Variants in GRAMD1C observed in about 807,000 individuals in gnomAD.
The protein encoded by GRAMD1C is protein Aster-C.
GRAMD1C carries 89 observed loss-of-function variants against 97.8 expected under a neutral mutation model. The ratio of observed to expected loss-of-function variants is 0.91; its 90% CI spans 0.77 to 1.09. GRAMD1C has a LOEUF of 1.09. GRAMD1C is among the 50% of genes least tolerant of loss of function. GRAMD1C has a pLI of 0.00. For missense variants in GRAMD1C, 740 were observed against 766.4 expected (o/e 0.97, Z 0.41); for synonymous variants, 256 against 267.0 (o/e 0.96, Z 0.40).
At chr3:113,836,024 G>A (rs1447854417), upstream of GRAMD1C, among the ~76,000 whole-genome samples, 1 of 152,202 alleles carries the variant, frequency 6.6e-6, no homozygotes, top group Non-Finnish European at 1.5e-5. Flanking sequence ...AGCACTTTGG[G>A]AGGTTGTGGC....
intron 1 of GRAMD1C, among the ~76,000 whole-genome samples, chr3:113,839,980 A>G (rs1709739839): frequency 6.6e-6 from 1 of 152,074 alleles, no homozygotes; most frequent in Non-Finnish European, 1.5e-5. Flanking sequence ...AGGTTGGAGT[A>G]GAAACTGATG....
rs1457639761 is a variant in GRAMD1C, at chr3:113,936,413, T to G, written c.1604T>G (p.Val535Gly). ...KLSSQHSSGDVGLGAKGDITG... is the reference protein window; with the variant it reads ...KLSSQHSSGDGGLGAKGDITG... ...TCCTCTCAGCATTCCTCTGGAGATG[T>G]GGGCTTAGGTGCCAAAGGGGATATT... Residue 535 changes from valine (V) to glycine (G), a missense_variant, in exon 14 of 18, where the codon GTG (valine) becomes GGG (glycine). By Grantham distance (109) the Val-to-Gly change is moderately radical. Transcript: ENST00000358160. 6.2e-7 allele frequency: 1 copy of G among 1,611,116 alleles called. No homozygotes were observed. Among genetic ancestry groups the G allele is most frequent in the Non-Finnish European group, 8.5e-7 (1 of 1,178,680 alleles).
At chr3:113,871,553 G>A (rs1934811414) in intron 3 of GRAMD1C, among the ~76,000 whole-genome samples, 1 of 151,890 alleles carries the variant, frequency 6.6e-6, no homozygotes, top group African/African-American at 2.4e-5. Context: ...AGGAGATCCT[G>A]GTTAACAGGG....
Position 113,904,525 on chromosome 3 carries a change from A to G in GRAMD1C, c.789+253A>G, listed in dbSNP as rs1387316303. ...GGCATCAGTCTGTAGGGGGATAAAT[A>G]TCATTAAAAGAATAATAAGATGGAG... On this transcript the variant is annotated intron_variant, in intron 8 of 17. Transcript: ENST00000358160. Among the ~76,000 whole-genome samples the G allele has an allele frequency of 3.9e-5, 6 of 152,198 alleles. No homozygotes were observed. The East Asian group carries it at 1.2e-3, about 29-fold the overall frequency.
At chr3:113,829,548 C>T (rs1709531776) in intron 1 of GRAMD1C, among the ~76,000 whole-genome samples, 1 of 152,118 alleles carries the variant, frequency 6.6e-6, no homozygotes, top group Non-Finnish European at 1.5e-5. Context: ...GGTGGTTTCA[C>T]TTTATTTATT....
intron 3 of GRAMD1C, among the ~76,000 whole-genome samples, chr3:113,874,527 T>A (rs1934953372): frequency 6.6e-6 from 1 of 152,160 alleles, no homozygotes; most frequent in African/African-American, 2.4e-5. Flanking sequence ...GTATTTTTAG[T>A]AGAAACAGGG....
chr3:113,881,368 G>A (rs1935255657), intron 5 of GRAMD1C, among the ~76,000 whole-genome samples: 1 of 152,168 alleles, frequency 6.6e-6, no homozygotes, highest in South Asian at 2.1e-4. Flanking sequence ...ATGTTGGCCA[G>A]GCTGGCCTTG....
chr3:113,916,308 A>G (rs1437463792), intron 10 of GRAMD1C, among the ~76,000 whole-genome samples: 4 of 152,218 alleles, frequency 2.6e-5, no homozygotes, highest in African/African-American at 9.7e-5. Flanking sequence ...TACAGTGTTC[A>G]TAGCAACATT....
chr3:113,883,383 G>A (rs1559793381), intron 6 of GRAMD1C, among the ~76,000 whole-genome samples: 1 of 152,014 alleles, frequency 6.6e-6, no homozygotes, highest in Non-Finnish European at 1.5e-5. Flanking sequence ...AAATTAGCTG[G>A]GTGTGGTGAC....
chr3:113,848,462 A>T (rs1401493453), intron 2 of GRAMD1C, among the ~76,000 whole-genome samples: 1 of 151,734 alleles, frequency 6.6e-6, no homozygotes, highest in Non-Finnish European at 1.5e-5. Flanking sequence ...TTTCAATTCT[A>T]TAGTTTAAAG....
chr3:113,884,649 G>C (rs945079692), intron 6 of GRAMD1C, among the ~76,000 whole-genome samples: 10 of 151,826 alleles, frequency 6.6e-5, no homozygotes, highest in African/African-American at 2.4e-4. Context: ...TGGCTAACAT[G>C]TGTTATGGTG....
chr3:113,851,260 C>CATA (rs1933891548), intron 2 of GRAMD1C, among the ~76,000 whole-genome samples: 1 of 151,908 alleles, frequency 6.6e-6, no homozygotes, highest in Non-Finnish European at 1.5e-5. Context: ...GAAAACTATG[C>CATA]ATAAAGAAGA....
At chr3:113,851,117 G>A (rs1933885317) in intron 2 of GRAMD1C, among the ~76,000 whole-genome samples, 1 of 152,114 alleles carries the variant, frequency 6.6e-6, no homozygotes, top group Non-Finnish European at 1.5e-5. Context: ...TTCTTTAATA[G>A]CAGATTTAGC....
At chr3:113,897,503 C>T (rs1164832271) in intron 6 of GRAMD1C, 1 of 983,234 alleles carries the variant, frequency 1.0e-6, no homozygotes, top group East Asian at 1.1e-4. Flanking sequence ...ATTCTGCATT[C>T]TGACCTGCAA....
chr3:113,846,272 A>G (rs750260309), intron 2 of GRAMD1C, among the ~76,000 whole-genome samples: 22 of 151,960 alleles, frequency 1.4e-4, no homozygotes, highest in Non-Finnish European at 3.1e-4. Flanking sequence ...ACACCCAGCT[A>G]ATTTTGTATT....
intron 5 of GRAMD1C, among the ~76,000 whole-genome samples, chr3:113,877,425 C>T (rs1460786294): frequency 6.6e-6 from 1 of 152,206 alleles, no homozygotes; most frequent in Non-Finnish European, 1.5e-5. Flanking sequence ...AGACTCAGTT[C>T]AGGATTACAC....
At chr3:113,885,916 G>C in intron 6 of GRAMD1C, 1 of 1,612,912 alleles carries the variant, frequency 6.2e-7, no homozygotes, top group Admixed American at 1.7e-5. Context: ...TCCTGGTTCA[G>C]TGACCCCAGC....
chr3:113,840,062 G>A (rs1319322640), intron 1 of GRAMD1C, among the ~76,000 whole-genome samples: 1 of 152,130 alleles, frequency 6.6e-6, no homozygotes, highest in Non-Finnish European at 1.5e-5. Flanking sequence ...TGCCTCCCGG[G>A]TTCACGCCAT....
chr3:113,875,314 C>T (rs1056846716), intron 3 of GRAMD1C, among the ~76,000 whole-genome samples, 170 bp from the exon 4 acceptor site: 5 of 152,124 alleles, frequency 3.3e-5, no homozygotes, highest in African/African-American at 1.2e-4. Context: ...TTCTGCTAAT[C>T]CTAGTACACA....
Sources: allele counts gnomAD v4.1 joint callset (sites outside exome capture counted in the v4.1 genomes callset), GRCh38; gene constraint gnomAD v4.1.1; transcripts MANE v1.5; gene names NCBI Gene and HGNC (gene_info 2026-07-23, HGNC 2026-07-21).